The following ACSL6 variants were observed in gnomAD, a reference collection of about 807,000 sequenced individuals.
ACSL6 encodes the protein acyl-CoA synthetase long chain family member 6.
A neutral mutation model predicts 98.2 loss-of-function variants in ACSL6; 47 were observed. That is an observed-to-expected ratio of 0.48 (90% CI 0.38 to 0.61). The LOEUF is 0.61. Among genes scored for constraint, ACSL6 ranks in the 20% least tolerant of loss-of-function variants. The probability of loss-of-function intolerance (pLI) is 0.00; values close to 1 mark genes in which losing one functional copy is unlikely to be tolerated. For missense variants in ACSL6, 761 were observed against 913.4 expected (o/e 0.83, Z 2.15); for synonymous variants, 362 against 336.9 (o/e 1.07, Z -0.82).
chr5:131,978,057 A>G (rs554141145), intron 9 of ACSL6, among the ~76,000 whole-genome samples: 5 of 152,374 alleles, frequency 3.3e-5, no homozygotes, highest in Admixed American at 6.5e-5. Flanking sequence ...GGGAGACCCA[A>G]TGAGAAAGAT....
intron 1 of ACSL6, 189 bp from the exon 2 acceptor site, chr5:131,994,440 C>T: frequency 3.4e-6 from 2 of 590,354 alleles, no homozygotes; most frequent in Non-Finnish European, 6.0e-6. Flanking sequence ...CCAGAACCTT[C>T]TGCCGTCACA....
intron 1 of ACSL6, among the ~76,000 whole-genome samples, chr5:131,999,171 G>A (rs1044820673): frequency 4.6e-4 from 70 of 152,260 alleles, no homozygotes; most frequent in Admixed American, 3.1e-3. Context: ...TGGGTATTCC[G>A]GTGCTGAACT....
At chr5:131,976,252 A>C in intron 10 of ACSL6, 1 of 982,478 alleles carries the variant, frequency 1.0e-6, no homozygotes, top group African/African-American at 1.7e-5. Flanking sequence ...TTAAACACAA[A>C]ATGACTGAAT....
chr5:132,011,689 C>T (rs191607058), upstream of ACSL6: 26 of 1,269,356 alleles, frequency 2.0e-5, no homozygotes, highest in Non-Finnish European at 2.4e-5. The surrounding 1 kb of genome is among the most constrained non-coding windows in gnomAD (Gnocchi z 5.4). Context: ...GCCCTCCGGC[C>T]CCGCAGCTCC....
At chr5:131,974,775 A>G (rs1245188306) in intron 11 of ACSL6, 118 bp downstream of exon 11, 1 of 1,610,856 alleles carries the variant, frequency 6.2e-7, no homozygotes, top group Non-Finnish European at 8.5e-7. Flanking sequence ...ATTCGCTCAA[A>G]CATGTGTGCT....
chr5:131,959,507 G>A (rs752775862), intron 20 of ACSL6, 29 bp downstream of exon 20: 46 of 1,607,254 alleles, frequency 2.9e-5, no homozygotes, highest in Non-Finnish European at 5.1e-6. Flanking sequence ...CTGAAGGGTT[G>A]TAACGAGTAT....
In ACSL6 at chr5:132,011,112, G is replaced by A. The variant is rs866723376; in HGVS notation, c.49+393C>T. Among the ~76,000 whole-genome samples, 1 of 152,162 alleles carries A rather than the reference G, an allele frequency of 6.6e-6. No homozygotes were observed. Among genetic ancestry groups the A allele is most frequent in the South Asian group, 2.1e-4 (1 of 4,828 alleles). Reference sequence around the variant, plus strand: ...CATAGCTGACCTGCTGTGGGACCTCGGGGACCAACACCCTCGGTTTCTGGT... The same window carrying A: ...CATAGCTGACCTGCTGTGGGACCTCAGGGACCAACACCCTCGGTTTCTGGT... On this transcript the variant is annotated intron_variant, in intron 1 of 20. Transcript: ENST00000651883. This position sits in a 1 kb window ranked among gnomAD's most constrained non-coding sequence, Gnocchi z 5.4.
At chr5:131,999,602 A>C (rs1754970310) in intron 1 of ACSL6, 1 of 152,308 alleles carries the variant, frequency 6.6e-6, no homozygotes, top group Non-Finnish European at 1.5e-5. Context: ...GCCTGCTCTG[A>C]GAAGCCGGGT....
intron 17 of ACSL6, among the ~76,000 whole-genome samples, chr5:131,963,138 C>A (rs1478358001): frequency 6.6e-6 from 1 of 152,194 alleles, no homozygotes; most frequent in East Asian, 1.9e-4. Flanking sequence ...CCCTAAAGAG[C>A]AGCCTCTGCA....
In ACSL6 at chr5:131,974,971, C is replaced by G. The variant is rs1753538442; in HGVS notation, c.991-1G>C. On this transcript the variant is annotated splice_acceptor_variant, in intron 10 of 20. Transcript: ENST00000651883. LOFTEE classifies it high-confidence loss of function. ...CGTCCTGTCTCGGAAAGATCACTTT[C>G]TGCAGGCGACGGGCATGGGAGACAG... The G allele has an allele frequency of 6.2e-7, 1 of 1,613,734 alleles. No individual in the cohort carries two copies.
chr5:131,967,950 C>T lies in ACSL6; in HGVS notation c.1586G>A (p.Gly529Glu). The change falls in exon 16 of 21, where the codon GGA becomes GAA. Residue 529 changes from glycine to glutamate, a missense_variant. Physicochemically the swap from Gly to Glu is moderately conservative, Grantham distance 98. Transcript: ENST00000651883. ...TAAATCCTTGTTTACCTCTCCCTCT[C>T]CTTTGCAGGCCCAGTAGTTCAGTTC... ...VEELNYWACK[G>E]EGEICVRGPN... 1 of 1,614,010 alleles carries T rather than the reference C, an allele frequency of 6.2e-7. No individual in the cohort carries two copies. Among genetic ancestry groups the T allele is most frequent in the Non-Finnish European group, 8.5e-7 (1 of 1,179,914 alleles).
chr5:132,004,573 C>G (rs918349910), intron 1 of ACSL6, among the ~76,000 whole-genome samples: 3 of 152,186 alleles, frequency 2.0e-5, no homozygotes, highest in African/African-American at 7.2e-5. Flanking sequence ...CTTCATGAAG[C>G]CAAGGTGCCA....
chr5:131,950,110 T>C lies in ACSL6; in HGVS notation c.*4124A>G, dbSNP rs1267461160. 1 of 185,278 alleles carries C rather than the reference T, an allele frequency of 5.4e-6. No homozygotes were observed. Among genetic ancestry groups the C allele is most frequent in the Non-Finnish European group, 1.1e-5 (1 of 87,432 alleles). 11.5% of individuals were successfully genotyped at this position (185,278 alleles called of 1,614,324 possible). Reference sequence around the variant, plus strand: ...ACTTTTATGCATATTTAAAAAGTAATATTTTAATCCCCTCGATTTTTAAAA... The same window carrying C: ...ACTTTTATGCATATTTAAAAAGTAACATTTTAATCCCCTCGATTTTTAAAA... On this transcript the variant is annotated 3_prime_UTR_variant, in exon 21 of 21. Coordinates refer to ENST00000651883, the MANE Select transcript of ACSL6 (RefSeq NM_001009185.3).
chr5:131,959,522 A>C lies in ACSL6; in HGVS notation c.2031+14T>G. ...CTGAAGGGTTGTAACGAGTATGGGG[A>C]AGGTAACAGTTACCTGCTCAAAAGA... On this transcript the variant is annotated intron_variant, in intron 20 of 20. Coordinates refer to ENST00000651883, the MANE Select transcript of ACSL6 (RefSeq NM_001009185.3). 6.2e-7 allele frequency: 1 copy of C among 1,612,848 alleles called. No homozygotes were observed.
rs561854678 is a variant in ACSL6, at chr5:131,985,392, C to T, written c.916+15G>A. On this transcript the variant is annotated intron_variant, in intron 9 of 20. Transcript: ENST00000651883. ...GCAGGTAGCCATGGCTGGGGATCTG[C>T]GTGCCTCTGCTTACCTGTCGTGCCG... The T allele has an allele frequency of 8.7e-5, 140 of 1,613,952 alleles. No individual in the cohort carries two copies. In the East Asian group the frequency reaches 1.1e-3, roughly 13 times the overall value.
chr5:131,987,137 C>G (rs1193292564), intron 7 of ACSL6, among the ~76,000 whole-genome samples: 1 of 152,184 alleles, frequency 6.6e-6, no homozygotes, highest in Non-Finnish European at 1.5e-5. Flanking sequence ...GACATCTAAG[C>G]CTGAGGCTCC....
intron 9 of ACSL6, among the ~76,000 whole-genome samples, chr5:131,977,667 C>T (rs938138933): frequency 4.6e-5 from 7 of 152,136 alleles, no homozygotes; most frequent in Admixed American, 6.5e-5. Context: ...TTAAATCAGA[C>T]GTTTCCACTG....
chr5:131,986,070 C>T (rs746173564), intron 8 of ACSL6, among the ~76,000 whole-genome samples: 19 of 152,168 alleles, frequency 1.2e-4, no homozygotes, highest in Admixed American at 7.9e-4. Context: ...AGATTTCTCC[C>T]GATGAAGTGT....
chr5:131,989,580 ATTCTTTTTTTT>A, intron 4 of ACSL6, 72 bp from the exon 5 acceptor site: 5 of 407,704 alleles, frequency 1.2e-5, no homozygotes, highest in African/African-American at 3.0e-5. Context: ...CCCAGGAGGA[ATTCTTTTTTTT>A]TTTTTTTTTT....
Sources: gnomAD v4.1 joint callset for allele counts (sites outside exome capture counted in the v4.1 genomes callset) on GRCh38, gnomAD v4.1.1 for gene constraint, Gnocchi (gnomAD v3.1) non-coding constraint, MANE v1.5 for transcripts, NCBI Gene and HGNC (gene_info 2026-07-23, HGNC 2026-07-21) for gene names.